FCN2: variants seen among roughly 807,000 people sequenced by gnomAD.
FCN2 encodes the protein ficolin 2, also known as ficolin-2.
A neutral mutation model predicts 32.5 loss-of-function variants in FCN2; 31 were observed. The observed-to-expected ratio is 0.96, with a 90% confidence interval of 0.72 to 1.29. FCN2 has a LOEUF of 1.29. Ranked by LOEUF, FCN2 falls within the 50% of genes most tolerant of loss-of-function variation. FCN2 has a pLI of 0.00. For missense variants in FCN2, 412 were observed against 406.5 expected (o/e 1.01, Z -0.12); for synonymous variants, 181 against 164.5 (o/e 1.10, Z -0.77).
rs545112116 is a variant in FCN2 at position 134,883,567 on chromosome 9, G to C, written c.268+212G>C. ...TGTGGGTTCTCAGTCTGGGGGAGTG[G>C]GGTTATCAGTGTGGGAGCTGGTCTC... On this transcript the variant is annotated intron_variant, in intron 3 of 7. Coordinates refer to ENST00000291744, the MANE Select transcript of FCN2 (RefSeq NM_004108.3). Among the ~76,000 whole-genome samples the C allele has an allele frequency of 4.0e-4, 58 of 144,540 alleles. No homozygotes were observed. In the South Asian group the frequency reaches 0.013, roughly 33 times the overall value. The allele number at this position is 144,540 out of a possible 152,430, so 94.8% of individuals were successfully genotyped here. A position where few individuals can be genotyped will look rare whatever the true frequency, so the allele number is the denominator to read the frequency against.
the FCN2 span, among the ~76,000 whole-genome samples, chr9:134,869,017 C>T: frequency 0.17 from 25,571 of 152,156 alleles, 2,396 homozygotes; most frequent in Admixed American, 0.27. Context: ...GTAGTTGGGA[C>T]GGAGACCGTA....
the FCN2 span, among the ~76,000 whole-genome samples, chr9:134,868,831 A>G: frequency 5.3e-5 from 8 of 152,262 alleles, no homozygotes; most frequent in African/African-American, 1.9e-4. The surrounding 1 kb of genome is among the most constrained non-coding windows in gnomAD (Gnocchi z 4.3). Context: ...ATTTGGCCCT[A>G]TGGGTGGATC....
At chr9:134,866,863 T>C in the FCN2 span, among the ~76,000 whole-genome samples, 2 of 140,716 alleles carry the variant, frequency 1.4e-5, no homozygotes, top group East Asian at 2.0e-4. Context: ...AGAAGACATT[T>C]ATGCAGCCAA....
rs754410225 is a variant in FCN2 at position 134,884,745 on chromosome 9, C to G, written c.274C>G (p.Pro92Ala). The change falls in exon 4 of 8, where the codon CCT (proline) becomes GCT (alanine). Residue 92 changes from proline (P) to alanine (A), a missense_variant. By Grantham distance (27) the Pro-to-Ala change is conservative. Coordinates refer to ENST00000291744, the MANE Select transcript of FCN2 (RefSeq NM_004108.3). ...KAGPPGPNGA[P>A]GEPQPCLTGP... is the part of the protein sequence containing the mutation. ...CCTCTCTCATCCATGAACAGGAGCA[C>G]CTGGGGAGCCCCAGCCGTGCCTGAC... The G allele has an allele frequency of 9.9e-6, 16 of 1,613,980 alleles. No individual in the cohort carries two copies. Among genetic ancestry groups the G allele is most frequent in the Admixed American group, 1.7e-5 (1 of 60,024 alleles).
In FCN2 at chr9:134,882,587, G is replaced by A. The variant is rs55865317; in HGVS notation, c.162G>A (p.Gly54=). 2,558 of 1,614,160 alleles carry A rather than the reference G, an allele frequency of 1.6e-3. 40 individuals are homozygous for A. In the African/African-American group the frequency reaches 0.029, roughly 19 times the overall value. ...DKLTILRGCP[G]LPGAPGPKGE... The stretch of plus-strand genomic sequence containing the variant: ...TCACCATTCTCCGAGGCTGTCCGGG[G>A]CTGCCTGGGGCCCCTGGGCCCAAGG... The change falls in exon 2 of 8, where the codon GGG becomes GGA. Residue 54 remains glycine (G), a synonymous_variant. Transcript: ENST00000291744.
At chr9:134,881,197 G>A (rs904332628) in intron 1 of FCN2, among the ~76,000 whole-genome samples, 57 of 152,324 alleles carry the variant, frequency 3.7e-4, no homozygotes, top group African/African-American at 1.3e-3. Context: ...CCCTCTAAGC[G>A]TAAAAAGCGT....
At chr9:134,870,127 G>A in the FCN2 span, among the ~76,000 whole-genome samples, 12 of 152,318 alleles carry the variant, frequency 7.9e-5, no homozygotes, top group African/African-American at 1.4e-4. The surrounding 1 kb of genome is among the most constrained non-coding windows in gnomAD (Gnocchi z 4.3). Flanking sequence ...AGGAGTTAAT[G>A]TGGAGGTGGC....
intron 7 of FCN2, among the ~76,000 whole-genome samples, chr9:134,886,923 T>C (rs1830766397): frequency 6.6e-6 from 1 of 152,160 alleles, no homozygotes; most frequent in Non-Finnish European, 1.5e-5. Flanking sequence ...CCTCCTGTTC[T>C]TCTGTGAAAT....
Position 134,885,785 on chromosome 9 carries a change from G to A in FCN2, c.447G>A (p.Val149=). 1 of 1,614,064 alleles carries A rather than the reference G, an allele frequency of 6.2e-7. No individual in the cohort carries two copies. The highest frequency in any genetic ancestry group is 8.5e-7 in the Non-Finnish European group (1 of 1,179,988). Residue 149 remains valine, a synonymous_variant, in exon 6 of 8, where the codon GTG becomes GTA. Transcript: ENST00000291744. ...GGGWTVFQRR[V]DGSVDFYRDW... ...CTCCACAGGTTTTCCAGCGGAGGGT[G>A]GATGGCTCTGTGGACTTCTACCGGG...
upstream of FCN2, among the ~76,000 whole-genome samples, chr9:134,878,136 T>C (rs774414008): frequency 4.6e-5 from 7 of 152,226 alleles, no homozygotes; most frequent in Non-Finnish European, 8.8e-5. Context: ...AGACTCAGAT[T>C]GGGTCTCCTT....
At position 134,884,445 on chromosome 9, in the gene FCN2, C is replaced by G. The variant is rs144422907; in HGVS notation, c.269-295C>G. 2.6e-5 allele frequency among the ~76,000 whole-genome samples: 4 copies of G among 152,300 alleles called. No individual in the cohort carries two copies. The East Asian group carries it at 7.7e-4, about 29-fold the overall frequency. On this transcript the variant is annotated intron_variant, in intron 3 of 7. Transcript: ENST00000291744. ...CAGGCCTTGGGGCCTCAGGAGAAGC[C>G]TGAAGATCCAGGCTTCCTTTAGTTG... is the stretch of plus-strand genomic sequence containing the variant.
At chr9:134,870,427 C>A in the FCN2 span, among the ~76,000 whole-genome samples, 2 of 152,136 alleles carry the variant, frequency 1.3e-5, no homozygotes, top group African/African-American at 4.8e-5. This position sits in a 1 kb window ranked among gnomAD's most constrained non-coding sequence, Gnocchi z 4.3. Context: ...CCCAGGGTGA[C>A]GCCTGCCACT....
chr9:134,887,510 G>A lies in FCN2; in HGVS notation c.*95G>A. 2 of 1,205,892 alleles carry A rather than the reference G, an allele frequency of 1.7e-6. No homozygotes were observed. The highest frequency in any genetic ancestry group is 3.0e-5 in the African/African-American group (2 of 66,532). 74.7% of individuals were successfully genotyped at this position (1,205,892 alleles called of 1,614,324 possible). A position where few individuals can be genotyped will look rare whatever the true frequency, so the allele number is the denominator to read the frequency against. On this transcript the variant is annotated 3_prime_UTR_variant, in exon 8 of 8. Transcript: ENST00000291744. ...CCTACGGTTTGTAAAAGAAACACAT[G>A]TCGTGATTCTAAATTGGGTTTGTCT...
At chr9:134,866,137 A>G in the FCN2 span, among the ~76,000 whole-genome samples, 22 of 151,126 alleles carry the variant, frequency 1.5e-4, no homozygotes. Context: ...GGAAAAAACT[A>G]CTTTAAAGTT....
chr9:134,865,673 A>G, the FCN2 span, among the ~76,000 whole-genome samples: 1 of 152,210 alleles, frequency 6.6e-6, no homozygotes, highest in Non-Finnish European at 1.5e-5. Context: ...GGCAGCTGCC[A>G]TGTCTCTGGT....
Position 134,885,252 on chromosome 9 carries a change from C to T in FCN2, c.315C>T (p.Cys105=), listed in dbSNP as rs201496115. 6.2e-6 allele frequency: 10 copies of T among 1,614,016 alleles called. No individual in the cohort carries two copies. Among genetic ancestry groups the T allele is most frequent in the South Asian group, 2.2e-5 (2 of 91,084 alleles). ...TTCCCTTCCCAGGCCCGCGTACCTGCAAGGACCTGCTAGACCGAGGGCACT... is the reference window on the plus strand; with the variant it reads ...TTCCCTTCCCAGGCCCGCGTACCTGTAAGGACCTGCTAGACCGAGGGCACT... ...PQPCLTGPRT[C]KDLLDRGHFL... Residue 105 remains cysteine, a synonymous_variant, in exon 5 of 8, where the codon TGC becomes TGT. Transcript: ENST00000291744.
At chr9:134,881,855 T>C (rs1830668752) in intron 1 of FCN2, among the ~76,000 whole-genome samples, 1 of 152,240 alleles carries the variant, frequency 6.6e-6, no homozygotes, top group South Asian at 2.1e-4. Context: ...TAATAGCACG[T>C]GTTATTTTTG....
chr9:134,882,161 C>T (rs1032730692), intron 1 of FCN2, among the ~76,000 whole-genome samples: 1 of 152,236 alleles, frequency 6.6e-6, no homozygotes, highest in South Asian at 2.1e-4. Context: ...AATGAACCTG[C>T]ACCCCTCGGT....
chr9:134,885,697 G>A, intron 5 of FCN2, 71 bp from the exon 6 acceptor site: 1 of 1,606,786 alleles, frequency 6.2e-7, no homozygotes, highest in Admixed American at 1.7e-5. Flanking sequence ...TGCTCCTCTG[G>A]AGGGCGGGTC....
Sources: allele counts gnomAD v4.1 joint callset (sites outside exome capture counted in the v4.1 genomes callset), GRCh38; gene constraint gnomAD v4.1.1; non-coding constraint Gnocchi (gnomAD v3.1); transcripts MANE v1.5; gene names NCBI Gene and HGNC (gene_info 2026-07-23, HGNC 2026-07-21).